Variants in KDM4B observed in about 807,000 individuals in gnomAD.
The protein encoded by KDM4B is lysine-specific demethylase 4B.
KDM4B carries 32 observed loss-of-function variants against 125.2 expected under a neutral mutation model. The observed-to-expected ratio is 0.26, with a 90% confidence interval of 0.19 to 0.34. KDM4B has a LOEUF of 0.34. Ranked by LOEUF, KDM4B falls within the 10% of genes least tolerant of loss-of-function variation. KDM4B has a pLI of 1.00. For synonymous variants in KDM4B, 721 were observed against 677.9 expected, an observed-to-expected ratio of 1.06 and a Z score of -0.99; for missense variants, 1,190 against 1,577.7, an observed-to-expected ratio of 0.75 and a Z score of 4.16.
At chr19:4,992,793 C>A (rs2035070307) in intron 1 of KDM4B, among the ~76,000 whole-genome samples, 2 of 152,140 alleles carry the variant, frequency 1.3e-5, no homozygotes, top group Non-Finnish European at 2.9e-5. Flanking sequence ...TTTCATTCAC[C>A]TCAAAATATT....
In KDM4B at chr19:5,114,343, G is replaced by T; in HGVS notation, c.1115+3525G>T. 1.3e-6 allele frequency: 1 copy of T among 771,860 alleles called. No homozygotes were observed. The highest frequency in any genetic ancestry group is 1.9e-6 in the Non-Finnish European group (1 of 515,846). The allele number at this position is 771,860 out of a possible 1,614,324, so 47.8% of individuals were successfully genotyped here. A position where few individuals can be genotyped will look rare whatever the true frequency, so the allele number is the denominator to read the frequency against. On this transcript the variant is annotated intron_variant, in intron 10 of 22. Transcript: ENST00000159111. The surrounding 1 kb of genome is among the most constrained non-coding windows in gnomAD (Gnocchi z 5.8). ...CCCCTACCCCTCCGAGCTCGGTGCTGCCTGTCCCCTCCTGCTCTGCCTTGG... is the reference window on the plus strand; with the variant it reads ...CCCCTACCCCTCCGAGCTCGGTGCTTCCTGTCCCCTCCTGCTCTGCCTTGG...
chr19:4,972,301 T>C (rs1422025055), intron 1 of KDM4B, among the ~76,000 whole-genome samples: 2 of 128,186 alleles, frequency 1.6e-5, no homozygotes, highest in Non-Finnish European at 3.3e-5. Context: ...TCTCTGGGCC[T>C]TGCTTTCTTC....
At chr19:4,999,548 A>C (rs943187252) in intron 1 of KDM4B, among the ~76,000 whole-genome samples, 6 of 152,144 alleles carry the variant, frequency 3.9e-5, no homozygotes, top group Admixed American at 3.3e-4. Flanking sequence ...AGGTCCTCTA[A>C]TCAGACAGAG....
chr19:4,969,157 G>A lies in KDM4B; in HGVS notation c.-182G>A, dbSNP rs1014747434. 1 of 150,710 alleles carries A rather than the reference G, an allele frequency of 6.6e-6. No individual in the cohort carries two copies. The highest frequency in any genetic ancestry group is 2.4e-5 in the African/African-American group (1 of 41,166). The allele number at this position is 150,710 out of a possible 1,614,324, so 9.3% of individuals were successfully genotyped here. A position where few individuals can be genotyped will look rare whatever the true frequency, so the allele number is the denominator to read the frequency against. On this transcript the variant is annotated 5_prime_UTR_variant, in exon 1 of 23. Transcript: ENST00000159111. ...CCGAGCGGGGCCCGGCCCGAGCGGG[G>A]CCTGGGGGTGCGACGCCGAGGGCGG... is the stretch of plus-strand genomic sequence containing the variant.
At chr19:5,066,767 C>T (rs1477228425) in intron 6 of KDM4B, among the ~76,000 whole-genome samples, 2 of 152,166 alleles carry the variant, frequency 1.3e-5, no homozygotes, top group Admixed American at 1.3e-4. Context: ...GCTGGAGATG[C>T]GGAGCCGAGT....
At chr19:5,146,054 G>A (rs972926479) in intron 21 of KDM4B, among the ~76,000 whole-genome samples, 20 of 151,728 alleles carry the variant, frequency 1.3e-4, no homozygotes, top group African/African-American at 4.9e-4. Context: ...CGTGCAGGCC[G>A]GCCCCGCCCG....
chr19:5,007,382 T>C (rs1310196507), intron 1 of KDM4B, among the ~76,000 whole-genome samples: 1 of 152,204 alleles, frequency 6.6e-6, no homozygotes, highest in Non-Finnish European at 1.5e-5. Flanking sequence ...TTTGGAGAAA[T>C]GTCTGCTCCA....
intron 11 of KDM4B, among the ~76,000 whole-genome samples, chr19:5,129,995 G>T (rs1363309024): frequency 3.9e-5 from 6 of 152,240 alleles, no homozygotes; most frequent in Admixed American, 3.9e-4. Context: ...CTGTGTGCAG[G>T]GACAGGCCCT....
rs1186875797 is a variant in KDM4B, at chr19:5,153,367, C to T, written c.*1856C>T. 1 of 152,292 alleles carries T rather than the reference C, an allele frequency of 6.6e-6. No homozygotes were observed. Among genetic ancestry groups the T allele is most frequent in the Non-Finnish European group, 1.5e-5 (1 of 68,092 alleles). 9.4% of individuals were successfully genotyped at this position (152,292 alleles called of 1,614,324 possible). ...CTGCCCTTGTCCCTTGGGGGTCACA[C>T]CCATCCCCTGGTGGGCTCCTGGGCG... On this transcript the variant is annotated 3_prime_UTR_variant, in exon 23 of 23. Transcript: ENST00000159111.
intron 9 of KDM4B, among the ~76,000 whole-genome samples, chr19:5,089,784 T>C (rs2038629410): frequency 6.6e-6 from 1 of 151,978 alleles, no homozygotes; most frequent in Admixed American, 6.6e-5. Context: ...CCGCCATTCC[T>C]AGGTGCTTCT....
intron 22 of KDM4B, 97 bp downstream of exon 22, chr19:5,150,547 A>C (rs1599284511): frequency 2.4e-6 from 2 of 832,302 alleles, no homozygotes; most frequent in South Asian, 1.7e-5. Context: ...GGCGTGGACC[A>C]CCCCCTCCTC....
intron 9 of KDM4B, among the ~76,000 whole-genome samples, chr19:5,095,334 C>T (rs1203263073): frequency 6.6e-6 from 1 of 152,232 alleles, no homozygotes; most frequent in African/African-American, 2.4e-5. Context: ...ATCATTTTCT[C>T]ATTAGGCCGG....
intron 8 of KDM4B, chr19:5,080,947 G>A (rs35001827): frequency 0.066 from 10,030 of 152,316 alleles, 435 homozygotes; most frequent in Middle Eastern, 0.14. Flanking sequence ...CAACAGGCAC[G>A]TGTCCCTGCC....
intron 11 of KDM4B, among the ~76,000 whole-genome samples, chr19:5,124,358 G>A (rs1435713638): frequency 6.6e-6 from 1 of 152,210 alleles, no homozygotes; most frequent in Non-Finnish European, 1.5e-5. Context: ...TTCAGGCAGC[G>A]AGGAAAGTGG....
chr19:4,985,007 A>G (rs1283638321), intron 1 of KDM4B, among the ~76,000 whole-genome samples: 1 of 152,184 alleles, frequency 6.6e-6, no homozygotes, highest in East Asian at 1.9e-4. Flanking sequence ...TTAGAAAAAT[A>G]ATTTATTTTA....
chr19:5,046,672 G>A (rs577850026), intron 5 of KDM4B, among the ~76,000 whole-genome samples: 1 of 152,340 alleles, frequency 6.6e-6, no homozygotes, highest in South Asian at 2.1e-4. Flanking sequence ...AGATGTGCCT[G>A]GTGGGTGGGG....
chr19:5,039,746 C>T (rs2036745750), intron 3 of KDM4B, 90 bp from the exon 4 acceptor site: 1 of 1,435,464 alleles, frequency 7.0e-7, no homozygotes, highest in Non-Finnish European at 9.6e-7. Context: ...TTGGGGGGTG[C>T]TGGTCTCTGG....
intron 13 of KDM4B, 151 bp from the exon 14 acceptor site, chr19:5,133,732 G>C: frequency 1.5e-6 from 1 of 681,942 alleles, no homozygotes. Context: ...GGGCAGCCAG[G>C]AGGCAGGTGG....
chr19:4,976,482 G>A (rs1244610586), intron 1 of KDM4B, among the ~76,000 whole-genome samples: 1 of 152,192 alleles, frequency 6.6e-6, no homozygotes, highest in Non-Finnish European at 1.5e-5. Flanking sequence ...TCAGAAGCAC[G>A]TCGAGCCGTG....
Sources: gnomAD v4.1 joint callset for allele counts (sites outside exome capture counted in the v4.1 genomes callset) on GRCh38, gnomAD v4.1.1 for gene constraint, Gnocchi (gnomAD v3.1) non-coding constraint, MANE v1.5 for transcripts, NCBI Gene and HGNC (gene_info 2026-07-23, HGNC 2026-07-21) for gene names.